The following ZFYVE28 variants were observed in gnomAD, a reference collection of about 807,000 sequenced individuals.
ZFYVE28 encodes the protein zinc finger FYVE-type containing 28, also known as lateral signaling target protein 2 homolog.
In ZFYVE28, 40 loss-of-function variants were observed where a neutral mutation model predicts 82.1. The ratio of observed to expected loss-of-function variants is 0.49; its 90% CI spans 0.38 to 0.63. The LOEUF is 0.63. Among genes scored for constraint, ZFYVE28 ranks in the 30% least tolerant of loss-of-function variants. ZFYVE28 has a pLI of 0.00. For synonymous variants in ZFYVE28, 612 were observed against 546.1 expected (o/e 1.12, Z -1.68); for missense variants, 1,321 against 1,242.1 (o/e 1.06, Z -0.96).
rs1417144653 is a variant in ZFYVE28, at chr4:2,350,673, C to T, written c.180+3260G>A. ...GTTAGAGGGTTGGGACTTTCAGCCC[C>T]CACCCCCAACCTCCGGGGAGGGGAG... On this transcript the variant is annotated intron_variant, in intron 2 of 12. Transcript: ENST00000290974. Among the ~76,000 whole-genome samples, 7 of 152,232 alleles carry T rather than the reference C, an allele frequency of 4.6e-5. No individual in the cohort carries two copies. The Middle Eastern group carries it at 0.017, about 370-fold the overall frequency.
intron 1 of ZFYVE28, among the ~76,000 whole-genome samples, chr4:2,384,668 T>C (rs743697): frequency 0.63 from 95,088 of 152,074 alleles, 30,575 homozygotes; most frequent in East Asian, 0.73. Flanking sequence ...GAAACAGCCT[T>C]ACCTGCCAGG....
chr4:2,272,866 C>T (rs536321214), intron 10 of ZFYVE28, among the ~76,000 whole-genome samples: 5 of 152,328 alleles, frequency 3.3e-5, no homozygotes, highest in Admixed American at 6.5e-5. Flanking sequence ...GGACAGAAGC[C>T]GGGGCTGTGG....
chr4:2,279,624 A>AG (rs1711665177), intron 8 of ZFYVE28, among the ~76,000 whole-genome samples: 1 of 151,494 alleles, frequency 6.6e-6, no homozygotes, highest in Admixed American at 6.6e-5. Context: ...CTAAAAATAC[A>AG]AAAAAAATTA....
In ZFYVE28 at chr4:2,418,136, T is replaced by C; in HGVS notation, c.39+149A>G. On this transcript the variant is annotated intron_variant, in intron 1 of 12. Transcript: ENST00000290974. The surrounding 1 kb of genome is among the most constrained non-coding windows in gnomAD (Gnocchi z 4.6). Reference sequence around the variant, plus strand: ...ACAGGGCGATGAAGATCTGTCCAAGTCTTGGAGTGGAGGGAAGGATGTCGG... The same window carrying C: ...ACAGGGCGATGAAGATCTGTCCAAGCCTTGGAGTGGAGGGAAGGATGTCGG... The C allele has an allele frequency of 1.6e-6, 1 of 627,510 alleles. No individual in the cohort carries two copies. The highest frequency in any genetic ancestry group is 2.5e-6 in the Non-Finnish European group (1 of 406,014). The allele number at this position is 627,510 out of a possible 1,614,324, so 38.9% of individuals were successfully genotyped here.
intron 7 of ZFYVE28, among the ~76,000 whole-genome samples, chr4:2,306,302 G>A (rs1317972229): frequency 6.6e-6 from 1 of 152,258 alleles, no homozygotes; most frequent in African/African-American, 2.4e-5. Context: ...TCCCACATGG[G>A]ACATTCCAGC....
intron 6 of ZFYVE28, among the ~76,000 whole-genome samples, chr4:2,323,798 G>A (rs1019337019): frequency 6.7e-6 from 1 of 149,234 alleles, no homozygotes; most frequent in Non-Finnish European, 1.5e-5. Flanking sequence ...GCGGTGTTTG[G>A]TTTTTTGTTC....
At chr4:2,295,299 T>C (rs1714370382) in intron 8 of ZFYVE28, among the ~76,000 whole-genome samples, 1 of 152,046 alleles carries the variant, frequency 6.6e-6, no homozygotes, top group Non-Finnish European at 1.5e-5. Flanking sequence ...GTAGCTGGGA[T>C]TGCAGGCACC....
At position 2,273,422 on chromosome 4, in the gene ZFYVE28, G is replaced by C. The variant is rs1020977445; in HGVS notation, c.2207-133C>G. The C allele has an allele frequency of 5.4e-6, 4 of 735,562 alleles. No individual in the cohort carries two copies. In the Admixed American group the frequency reaches 7.4e-5, roughly 14 times the overall value. The allele number at this position is 735,562 out of a possible 1,614,324, so 45.6% of individuals were successfully genotyped here. ...AGCGTGTTCTCAGATCAGTCAGGGA[G>C]GGAGGAGGCCCAACCCCTTGGGGGA... is the stretch of plus-strand genomic sequence containing the variant. On this transcript the variant is annotated intron_variant, in intron 9 of 12. Transcript: ENST00000290974.
chr4:2,412,278 C>T (rs945891275), intron 1 of ZFYVE28, among the ~76,000 whole-genome samples: 5 of 152,156 alleles, frequency 3.3e-5, no homozygotes, highest in African/African-American at 1.2e-4. Context: ...CTCCAAGAAA[C>T]ACTGACATGA....
rs1578101390 is a variant in ZFYVE28 at position 2,326,535 on chromosome 4, G to A, written c.702-6264C>T. Reference sequence around the variant, plus strand: ...CCTTGGCTATTCGTGGGTTTTTATGGTTCTATATGAATTATAGGATTTTTT... The same window carrying A: ...CCTTGGCTATTCGTGGGTTTTTATGATTCTATATGAATTATAGGATTTTTT... On this transcript the variant is annotated intron_variant, in intron 6 of 12. Coordinates refer to ENST00000290974, the MANE Select transcript of ZFYVE28 (RefSeq NM_020972.3). Among the ~76,000 whole-genome samples the A allele has an allele frequency of 2.0e-5, 3 of 152,042 alleles. No individual in the cohort carries two copies. The East Asian group carries it at 5.8e-4, about 29-fold the overall frequency.
At chr4:2,317,211 C>T (rs996695392) in intron 7 of ZFYVE28, among the ~76,000 whole-genome samples, 2 of 151,598 alleles carry the variant, frequency 1.3e-5, no homozygotes, top group Non-Finnish European at 2.9e-5. Flanking sequence ...TGGTCTCAAA[C>T]TCCTGACCTC....
intron 1 of ZFYVE28, among the ~76,000 whole-genome samples, chr4:2,411,934 C>G (rs967387350): frequency 2.0e-5 from 3 of 152,188 alleles, no homozygotes; most frequent in Non-Finnish European, 4.4e-5. Context: ...GGGGCCAGTC[C>G]GACATGGTGA....
At chr4:2,291,072 C>A (rs545604665) in intron 8 of ZFYVE28, among the ~76,000 whole-genome samples, 2 of 152,258 alleles carry the variant, frequency 1.3e-5, no homozygotes, top group Non-Finnish European at 2.9e-5. Context: ...GCGGGAGGAG[C>A]TCCTGTCGCC....
intron 1 of ZFYVE28, among the ~76,000 whole-genome samples, chr4:2,364,241 G>A (rs185186303): frequency 1.3e-3 from 194 of 152,288 alleles, no homozygotes; most frequent in Middle Eastern, 3.4e-3. Context: ...CGGCCTGGCT[G>A]CAGACCAGGG....
At chr4:2,329,853 A>G (rs976585066) in intron 6 of ZFYVE28, among the ~76,000 whole-genome samples, 1 of 152,080 alleles carries the variant, frequency 6.6e-6, no homozygotes, top group African/African-American at 2.4e-5. Context: ...CCCTTCTCAA[A>G]TTTTTATGAT....
intron 1 of ZFYVE28, among the ~76,000 whole-genome samples, chr4:2,399,558 C>T (rs1452143382): frequency 1.3e-5 from 2 of 152,208 alleles, no homozygotes; most frequent in East Asian, 3.9e-4. Context: ...CAAAGCCTGG[C>T]ACATCATACA....
Position 2,362,516 on chromosome 4 carries a change from C to G in ZFYVE28, c.40-8443G>C, listed in dbSNP as rs73070639. On this transcript the variant is annotated intron_variant, in intron 1 of 12. Coordinates refer to ENST00000290974, the MANE Select transcript of ZFYVE28 (RefSeq NM_020972.3). This position sits in a 1 kb window ranked among gnomAD's most constrained non-coding sequence, Gnocchi z 5.1. ...AATCACAGGCCCAGCCCCTCCTGCA[C>G]ATGCCCAACCCCTCCTGTCCGCACT... 0.015 allele frequency among the ~76,000 whole-genome samples: 2,202 copies of G among 151,830 alleles called. 51 individuals carry two copies. Among genetic ancestry groups the G allele is most frequent in the African/African-American group, 0.051 (2,089 of 41,136 alleles).
In ZFYVE28 at chr4:2,332,947, T is replaced by C. The variant is rs1472839746; in HGVS notation, c.701+2758A>G. Among the ~76,000 whole-genome samples, 1 of 152,032 alleles carries C rather than the reference T, an allele frequency of 6.6e-6. No homozygotes were observed. The highest frequency in any genetic ancestry group is 1.5e-5 in the Non-Finnish European group (1 of 67,970). ...GGGGGCTCACAGCTGGCCACCCCCCTGGACAGGCCTGCTCCCTGGACTCTG... is the reference window on the plus strand; with the variant it reads ...GGGGGCTCACAGCTGGCCACCCCCCCGGACAGGCCTGCTCCCTGGACTCTG... On this transcript the variant is annotated intron_variant, in intron 6 of 12. Coordinates refer to ENST00000290974, the MANE Select transcript of ZFYVE28 (RefSeq NM_020972.3). The surrounding 1 kb of genome is among the most constrained non-coding windows in gnomAD (Gnocchi z 4.7).
At chr4:2,277,893 A>T (rs1736619583) in intron 8 of ZFYVE28, among the ~76,000 whole-genome samples, 1 of 152,210 alleles carries the variant, frequency 6.6e-6, no homozygotes, top group South Asian at 2.1e-4. Context: ...AAAAGAAAAA[A>T]AACAAGTTGG....
Sources: gnomAD v4.1 joint callset for allele counts (sites outside exome capture counted in the v4.1 genomes callset) on GRCh38, gnomAD v4.1.1 for gene constraint, Gnocchi (gnomAD v3.1) non-coding constraint, MANE v1.5 for transcripts, NCBI Gene and HGNC (gene_info 2026-07-23, HGNC 2026-07-21) for gene names.